Variants in DGKB observed in about 807,000 individuals in gnomAD.
DGKB encodes diacylglycerol kinase beta.
Under a neutral mutation model 114.3 loss-of-function variants are expected in DGKB, and 67 were observed. That is an observed-to-expected ratio of 0.59 (90% CI 0.48 to 0.72). The LOEUF is 0.72. Among genes scored for constraint, DGKB ranks in the 30% least tolerant of loss-of-function variants. The pLI, the probability that DGKB is intolerant of heterozygous loss-of-function variation, is 0.00. For synonymous variants in DGKB, 398 were observed against 323.1 expected (o/e 1.23, Z -2.49); for missense variants, 907 against 975.2 (o/e 0.93, Z 0.93).
chr7:14,161,327 G>C (rs1783852807), intron 25 of DGKB, among the ~76,000 whole-genome samples: 1 of 152,116 alleles, frequency 6.6e-6, no homozygotes, highest in South Asian at 2.1e-4. Flanking sequence ...ATACCCAAAG[G>C]ATTATAAATC....
chr7:14,253,884 G>C (rs1476044050), intron 23 of DGKB, among the ~76,000 whole-genome samples: 1 of 152,120 alleles, frequency 6.6e-6, no homozygotes, highest in Non-Finnish European at 1.5e-5. Context: ...AGGTTAATAA[G>C]ATCATATTAA....
intron 13 of DGKB, among the ~76,000 whole-genome samples, chr7:14,653,784 C>T (rs1174366396): frequency 6.6e-6 from 1 of 152,102 alleles, no homozygotes; most frequent in East Asian, 1.9e-4. Flanking sequence ...GTCTTACGAT[C>T]ATCATAATAG....
intron 20 of DGKB, among the ~76,000 whole-genome samples, chr7:14,544,749 G>GC (rs1794017207): frequency 6.6e-6 from 1 of 152,154 alleles, no homozygotes; most frequent in African/African-American, 2.4e-5. Context: ...TTGACATGTT[G>GC]TTTTTTGACA....
chr7:14,509,111 T>C (rs1445145563), intron 20 of DGKB, among the ~76,000 whole-genome samples: 1 of 152,206 alleles, frequency 6.6e-6, no homozygotes, highest in African/African-American at 2.4e-5. Flanking sequence ...CTGCCATTTA[T>C]GTTTTGATTC....
intron 13 of DGKB, among the ~76,000 whole-genome samples, chr7:14,645,292 C>A (rs555615307): frequency 6.6e-6 from 1 of 152,252 alleles, no homozygotes; most frequent in African/African-American, 2.4e-5. Context: ...TACCTTGATC[C>A]TTTTGGTCAC....
intron 2 of DGKB, among the ~76,000 whole-genome samples, chr7:14,763,656 T>C (rs924845834): frequency 6.6e-6 from 1 of 152,050 alleles, no homozygotes; most frequent in African/African-American, 2.4e-5. Context: ...CAAAAGAATG[T>C]ACAGTAGTGA....
chr7:14,717,298 AT>A (rs1326603658), intron 6 of DGKB, among the ~76,000 whole-genome samples: 1 of 152,122 alleles, frequency 6.6e-6, no homozygotes, highest in Non-Finnish European at 1.5e-5. Context: ...TGTGGAAAAA[AT>A]GTTTGTCTTT....
chr7:14,176,711 A>G, intron 25 of DGKB, 128 bp downstream of exon 25: 1 of 1,505,858 alleles, frequency 6.6e-7, no homozygotes, highest in Non-Finnish European at 8.9e-7. Flanking sequence ...ACATAACAAC[A>G]ACAACAAAAA....
At chr7:14,179,866 G>T (rs973975561) in intron 23 of DGKB, among the ~76,000 whole-genome samples, 2 of 152,132 alleles carry the variant, frequency 1.3e-5, no homozygotes, top group Non-Finnish European at 2.9e-5. Flanking sequence ...CCACCTTGCT[G>T]TTCTAAACCC....
chr7:14,506,058 C>CA (rs1787001815), intron 20 of DGKB, among the ~76,000 whole-genome samples: 1 of 152,070 alleles, frequency 6.6e-6, no homozygotes, highest in Non-Finnish European at 1.5e-5. Context: ...ATGTGAACCA[C>CA]AAAAAATAAT....
chr7:14,182,195 TATAAA>T (rs537401967), intron 23 of DGKB, among the ~76,000 whole-genome samples: 53 of 152,194 alleles, frequency 3.5e-4, no homozygotes, highest in East Asian at 7.7e-4. Flanking sequence ...TACAAGTCTC[TATAAA>T]ATAAAATAAC....
chr7:14,914,627 G>A (rs1784147547), intron 1 of DGKB, among the ~76,000 whole-genome samples: 1 of 151,792 alleles, frequency 6.6e-6, no homozygotes, highest in South Asian at 2.1e-4. Flanking sequence ...CTAGAAGCAA[G>A]AAAAAAACAA....
chr7:14,566,791 C>G (rs758247886), intron 20 of DGKB, among the ~76,000 whole-genome samples: 1 of 151,974 alleles, frequency 6.6e-6, no homozygotes, highest in Non-Finnish European at 1.5e-5. Context: ...TCAAGTCTTT[C>G]ACATACAGTT....
chr7:14,387,102 T>TTA (rs1449223991), intron 21 of DGKB, among the ~76,000 whole-genome samples: 1 of 133,688 alleles, frequency 7.5e-6, no homozygotes, highest in Non-Finnish European at 1.5e-5. Context: ...TTTTGATTAT[T>TTA]TATTTATTTA....
intron 2 of DGKB, among the ~76,000 whole-genome samples, chr7:14,772,949 G>A (rs1216595747): frequency 8.6e-6 from 1 of 116,824 alleles, no homozygotes; most frequent in Non-Finnish European, 1.7e-5. Flanking sequence ...TTTCACCGCT[G>A]TACCTCAATT....
At position 14,948,913 on chromosome 7, in the gene DGKB, G is replaced by A. The variant is rs11980918; in HGVS notation, c.-188+25783C>T. The stretch of plus-strand genomic sequence containing the variant: ...ATAAAGAAATAGAAATATGCCAAAA[G>A]ATTTGCATTTAAAAAATCAGAAAAC... On this transcript the variant is annotated intron_variant, in intron 1 of 4. Coordinates refer to the DGKB transcript ENST00000437998. Among the ~76,000 whole-genome samples, 3 of 151,488 alleles carry A rather than the reference G, an allele frequency of 2.0e-5. 1 individual carries two copies. The highest frequency in any genetic ancestry group is 1.5e-5 in the Non-Finnish European group (1 of 67,758).
intron 19 of DGKB, among the ~76,000 whole-genome samples, chr7:14,579,853 G>C (rs1799671621): frequency 6.6e-6 from 1 of 152,014 alleles, no homozygotes. Context: ...TCTGGGGTGG[G>C]GTCAGGCCAC....
intron 23 of DGKB, among the ~76,000 whole-genome samples, chr7:14,295,738 G>C (rs1204317398): frequency 2.0e-5 from 3 of 151,946 alleles, no homozygotes; most frequent in African/African-American, 7.3e-5. Flanking sequence ...TAAGTTCTCG[G>C]ATACATGTGC....
At chr7:14,192,728 A>T (rs932622568) in intron 23 of DGKB, among the ~76,000 whole-genome samples, 1 of 151,990 alleles carries the variant, frequency 6.6e-6, no homozygotes, top group Non-Finnish European at 1.5e-5. Context: ...TATTATTAGC[A>T]CTTTATTTAT....
Sources: allele counts gnomAD v4.1 joint callset (sites outside exome capture counted in the v4.1 genomes callset), GRCh38; gene constraint gnomAD v4.1.1; transcripts MANE v1.5; gene names NCBI Gene and HGNC (gene_info 2026-07-23, HGNC 2026-07-21).